ANKFN1: variants seen among roughly 807,000 people sequenced by gnomAD.
ANKFN1 encodes the protein ankyrin repeat and fibronectin type III domain containing 1, also known as ankyrin repeat and fibronectin type-III domain-containing protein 1.
A neutral mutation model predicts 108.7 loss-of-function variants in ANKFN1; 74 were observed. The observed-to-expected ratio is 0.68, with a 90% CI of 0.56 to 0.83. The LOEUF (loss-of-function observed/expected upper bound fraction) is 0.83. ANKFN1 is among the 40% of genes least tolerant of loss of function. The pLI, the probability that ANKFN1 is intolerant of heterozygous loss-of-function variation, is 0.00. For missense variants in ANKFN1, 1,505 were observed against 1,382.3 expected, an observed-to-expected ratio of 1.09 and a Z score of -1.41; for synonymous variants, 547 against 516.2, an observed-to-expected ratio of 1.06 and a Z score of -0.81.
At chr17:56,095,443 C>T (rs1448576478) in intron 4 of ANKFN1, among the ~76,000 whole-genome samples, 2 of 150,822 alleles carry the variant, frequency 1.3e-5, no homozygotes, top group African/African-American at 2.4e-5. Context: ...AGGTGCATGC[C>T]GCCACACCCA....
intron 3 of ANKFN1, among the ~76,000 whole-genome samples, chr17:56,269,815 C>T (rs1043263780): frequency 6.6e-6 from 1 of 152,104 alleles, no homozygotes; most frequent in African/African-American, 2.4e-5. Flanking sequence ...AAAATTGCAC[C>T]GTGTTTGGGG....
intron 8 of ANKFN1, among the ~76,000 whole-genome samples, chr17:56,380,119 G>A (rs1192150455): frequency 6.6e-6 from 1 of 152,184 alleles, no homozygotes; most frequent in Non-Finnish European, 1.5e-5. Context: ...TAATCAGGCT[G>A]AATTGTGTGT....
intron 1 of ANKFN1, among the ~76,000 whole-genome samples, chr17:56,199,716 G>A (rs773766416): frequency 3.9e-5 from 6 of 152,154 alleles, no homozygotes; most frequent in Non-Finnish European, 7.3e-5. Context: ...AGATAAAATT[G>A]AGGACACCCA....
At chr17:56,300,974 G>C (rs1033975122) in intron 3 of ANKFN1, among the ~76,000 whole-genome samples, 2 of 152,202 alleles carry the variant, frequency 1.3e-5, no homozygotes, top group African/African-American at 4.8e-5. Flanking sequence ...CCAAAACATA[G>C]TAACTGTTTT....
Position 56,514,221 on chromosome 17 carries a change from C to A in ANKFN1, c.*2952C>A, listed in dbSNP as rs1021715119. The stretch of plus-strand genomic sequence containing the variant: ...TCATTTGTGAAAATCCTCAAAAATC[C>A]TTGACTGAGGTTCTCCCATATGTCT... On this transcript the variant is annotated 3_prime_UTR_variant, in exon 21 of 21. Transcript: ENST00000682825. Among the ~76,000 whole-genome samples the A allele has an allele frequency of 6.6e-6, 1 of 152,096 alleles. No homozygotes were observed. Among genetic ancestry groups the A allele is most frequent in the South Asian group, 2.1e-4 (1 of 4,828 alleles).
chr17:56,153,414 T>A, upstream of ANKFN1: 1 of 1,490,294 alleles, frequency 6.7e-7, no homozygotes, highest in Admixed American at 1.7e-5. Context: ...AAAGCCAGGG[T>A]TCCCTTGGCA....
chr17:56,168,363 G>A (rs1411933843), intron 1 of ANKFN1, among the ~76,000 whole-genome samples: 2 of 151,990 alleles, frequency 1.3e-5, no homozygotes, highest in Non-Finnish European at 2.9e-5. Flanking sequence ...AGATAGGACA[G>A]GACTTCAGCA....
intron 10 of ANKFN1, among the ~76,000 whole-genome samples, chr17:56,445,209 G>A (rs1164295168): frequency 3.3e-5 from 5 of 152,196 alleles, no homozygotes; most frequent in Non-Finnish European, 5.9e-5. Context: ...GACAGAAAAT[G>A]CACAAAAATG....
In ANKFN1 at chr17:56,421,808, A is replaced by G. The variant is rs565544275; in HGVS notation, c.911-18519A>G. On this transcript the variant is annotated intron_variant, in intron 8 of 20. Coordinates refer to ENST00000682825, the MANE Select transcript of ANKFN1 (RefSeq NM_001370326.1). ...CCTCATTTTACTCATTAGGAATCATAATTTCACTCTGGTTCATCAGAATAT... is the reference window on the plus strand; with the variant it reads ...CCTCATTTTACTCATTAGGAATCATGATTTCACTCTGGTTCATCAGAATAT... Among the ~76,000 whole-genome samples, 3 of 152,310 alleles carry G rather than the reference A, an allele frequency of 2.0e-5. No individual in the cohort carries two copies. In the South Asian group the frequency reaches 6.2e-4, roughly 32 times the overall value.
chr17:56,272,426 G>C (rs1337141014), intron 3 of ANKFN1, among the ~76,000 whole-genome samples: 1 of 151,940 alleles, frequency 6.6e-6, no homozygotes, highest in South Asian at 2.1e-4. Flanking sequence ...TTTGTAACTG[G>C]CTTATTTCAC....
chr17:56,061,264 T>C (rs767039495), intron 4 of ANKFN1, among the ~76,000 whole-genome samples: 6 of 121,278 alleles, frequency 4.9e-5, no homozygotes, highest in Non-Finnish European at 8.2e-5. Flanking sequence ...TGGTAGTTTT[T>C]CTTTTTTTTT....
intron 1 of ANKFN1, among the ~76,000 whole-genome samples, chr17:56,189,381 A>G (rs8075791): frequency 0.69 from 102,426 of 148,750 alleles, 35,617 homozygotes; most frequent in East Asian, 0.94. Flanking sequence ...CGTTTTAGCC[A>G]GGATGGTCTC....
At chr17:56,335,262 A>G (rs1172194614) in intron 4 of ANKFN1, among the ~76,000 whole-genome samples, 1 of 152,094 alleles carries the variant, frequency 6.6e-6, no homozygotes, top group Non-Finnish European at 1.5e-5. Context: ...GAAGAAAGTC[A>G]TTGGTAGCTT....
intron 5 of ANKFN1, among the ~76,000 whole-genome samples, chr17:56,353,480 G>A (rs1301119141): frequency 6.6e-6 from 1 of 152,078 alleles, no homozygotes; most frequent in Non-Finnish European, 1.5e-5. Flanking sequence ...CAAGTGATCT[G>A]CCCACCTTGG....
chr17:56,193,749 C>G (rs1242493186), intron 1 of ANKFN1, among the ~76,000 whole-genome samples: 1 of 152,098 alleles, frequency 6.6e-6, no homozygotes, highest in Non-Finnish European at 1.5e-5. Context: ...ACCAAAGGCA[C>G]AATTCATGAA....
rs1909017297 is a variant in ANKFN1 at position 56,155,503 on chromosome 17, C to CT, written c.-71+1979dup. 3.3e-5 allele frequency among the ~76,000 whole-genome samples: 5 copies of CT among 152,248 alleles called. No homozygotes were observed. The South Asian group carries it at 1.0e-3, about 32-fold the overall frequency. On this transcript the variant is annotated intron_variant, in intron 1 of 20. Transcript: ENST00000682825. ...TAATTATTGAAAGCCAATAACTTTC[C>CT]TTTTTTCTGGATAGCGTGGTCAGGA...
chr17:56,477,456 T>G, intron 15 of ANKFN1, 32 bp from the exon 16 acceptor site: 5 of 1,511,938 alleles, frequency 3.3e-6, no homozygotes, highest in East Asian at 2.4e-5. Flanking sequence ...TGTTTTCTTG[T>G]TTTCTTTTTT....
At position 56,511,035 on chromosome 17, in the gene ANKFN1, T is replaced by G. The variant is rs974790295; in HGVS notation, c.3207T>G (p.Ala1069=). 7.8e-6 allele frequency: 12 copies of G among 1,535,912 alleles called. No homozygotes were observed. Among genetic ancestry groups the G allele is most frequent in the East Asian group, 2.4e-5 (1 of 40,924 alleles). Residue 1069 remains alanine (A), a synonymous_variant, in exon 21 of 21, where the codon GCT becomes GCG. Transcript: ENST00000682825. ...CCAGGGGCCTAACTCTGGCCCACGCTGCCAGCCTTCCTGAGGAGCGGAACA... is the reference window on the plus strand; with the variant it reads ...CCAGGGGCCTAACTCTGGCCCACGCGGCCAGCCTTCCTGAGGAGCGGAACA... ...DDPRGLTLAH[A]ASLPEERNSS... is the part of the protein sequence containing the mutation.
chr17:56,125,689 A>G (rs1346187045), intron 4 of ANKFN1, among the ~76,000 whole-genome samples: 2 of 152,238 alleles, frequency 1.3e-5, no homozygotes, highest in Non-Finnish European at 2.9e-5. Context: ...TTCTCCAGGC[A>G]TGTGGATCGT....
Sources: gnomAD v4.1 joint callset for allele counts (sites outside exome capture counted in the v4.1 genomes callset) on GRCh38, gnomAD v4.1.1 for gene constraint, MANE v1.5 for transcripts, NCBI Gene and HGNC (gene_info 2026-07-23, HGNC 2026-07-21) for gene names.